The following MYO16 variants were observed in gnomAD, a reference collection of about 807,000 sequenced individuals.
MYO16 encodes unconventional myosin-XVI.
MYO16 carries 94 observed loss-of-function variants against 205.3 expected under a neutral mutation model. That is an observed-to-expected ratio of 0.46 (90% CI 0.39 to 0.54). The LOEUF is 0.54. Ranked by LOEUF, MYO16 falls within the 20% of genes least tolerant of loss-of-function variation. MYO16 has a pLI of 0.00. For missense variants in MYO16, 2,315 were observed against 2,387.5 expected (o/e 0.97, Z 0.63); for synonymous variants, 988 against 954.0 (o/e 1.04, Z -0.66).
At chr13:108,720,308 AAAC>A (rs1453324773) in intron 3 of MYO16, among the ~76,000 whole-genome samples, 2 of 152,212 alleles carry the variant, frequency 1.3e-5, no homozygotes, top group Non-Finnish European at 2.9e-5. Context: ...TGTTGAATAA[AAAC>A]AAGCGTATGG....
intron 16 of MYO16, among the ~76,000 whole-genome samples, chr13:108,952,305 A>G (rs1047456207): frequency 1.3e-5 from 2 of 152,116 alleles, no homozygotes; most frequent in Non-Finnish European, 2.9e-5. Flanking sequence ...GAACAGAAAG[A>G]CCTTCAGTGC....
At chr13:108,576,201 G>C in the MYO16 span, among the ~76,000 whole-genome samples, 1 of 152,204 alleles carries the variant, frequency 6.6e-6, no homozygotes, top group Non-Finnish European at 1.5e-5. Flanking sequence ...TGTAGCACTA[G>C]AGACAGGTCA....
At chr13:109,004,840 G>A (rs80278933) in intron 21 of MYO16, among the ~76,000 whole-genome samples, 1 of 152,292 alleles carries the variant, frequency 6.6e-6, no homozygotes, top group Non-Finnish European at 1.5e-5. Context: ...TGCAGAATTT[G>A]TTGGTCTGTG....
intron 21 of MYO16, among the ~76,000 whole-genome samples, chr13:109,002,219 A>G (rs778916503): frequency 4.6e-5 from 7 of 152,242 alleles, no homozygotes; most frequent in South Asian, 2.1e-4. Context: ...GTCACTGCCC[A>G]GGGCTCTGCC....
At chr13:108,747,449 A>G (rs751642037) in intron 4 of MYO16, among the ~76,000 whole-genome samples, 2 of 152,170 alleles carry the variant, frequency 1.3e-5, no homozygotes, top group Non-Finnish European at 2.9e-5. Flanking sequence ...GTGAATTTAT[A>G]TAGTGTCATT....
intron 14 of MYO16, among the ~76,000 whole-genome samples, chr13:108,896,957 C>G (rs1160481246): frequency 6.6e-6 from 1 of 151,988 alleles, no homozygotes; most frequent in Non-Finnish European, 1.5e-5. Flanking sequence ...GATCACATCA[C>G]TGCACTCCAG....
intron 1 of MYO16, among the ~76,000 whole-genome samples, chr13:108,636,986 C>T (rs968642219): frequency 1.3e-5 from 2 of 152,144 alleles, no homozygotes; most frequent in Non-Finnish European, 2.9e-5. Context: ...AGATAGAAAT[C>T]ATCAAATATG....
intron 1 of MYO16, among the ~76,000 whole-genome samples, chr13:108,614,506 GA>G (rs1464243166): frequency 6.6e-6 from 1 of 151,956 alleles, no homozygotes; most frequent in Non-Finnish European, 1.5e-5. Context: ...AAGATATCCA[GA>G]TAACTAAAAA....
chr13:108,736,656 G>T (rs1462614915), intron 4 of MYO16, among the ~76,000 whole-genome samples: 1 of 152,194 alleles, frequency 6.6e-6, no homozygotes, highest in African/African-American at 2.4e-5. Context: ...GAACTTTAAA[G>T]TAGTTTTTCC....
At chr13:109,135,226 T>C (rs893077468) in intron 31 of MYO16, among the ~76,000 whole-genome samples, 3 of 152,228 alleles carry the variant, frequency 2.0e-5, no homozygotes, top group Admixed American at 6.5e-5. Flanking sequence ...ACAGTGGTCA[T>C]TGGTGGGTAG....
intron 10 of MYO16, among the ~76,000 whole-genome samples, chr13:108,854,929 A>G (rs1037838309): frequency 6.6e-6 from 1 of 152,240 alleles, no homozygotes; most frequent in Admixed American, 6.5e-5. Context: ...AGAGCAGAAT[A>G]GAAAGATCTG....
At chr13:108,928,914 A>T (rs1882130480) in intron 16 of MYO16, among the ~76,000 whole-genome samples, 1 of 152,228 alleles carries the variant, frequency 6.6e-6, no homozygotes, top group Non-Finnish European at 1.5e-5. Context: ...AAATTTACAA[A>T]ATCAGAAATT....
At chr13:108,556,492 C>T in the MYO16 span, among the ~76,000 whole-genome samples, 225 of 152,188 alleles carry the variant, frequency 1.5e-3, no homozygotes, top group African/African-American at 5.3e-3. Flanking sequence ...TGTTTTCTTG[C>T]TATTGAATTG....
At chr13:108,714,036 A>G (rs1883826518) in intron 3 of MYO16, among the ~76,000 whole-genome samples, 1 of 152,010 alleles carries the variant, frequency 6.6e-6, no homozygotes, top group Non-Finnish European at 1.5e-5. Context: ...CAAATATCGT[A>G]AGCCTGTTTT....
intron 33 of MYO16, among the ~76,000 whole-genome samples, chr13:109,166,437 A>G (rs980582046): frequency 3.3e-5 from 5 of 152,224 alleles, no homozygotes; most frequent in Non-Finnish European, 5.9e-5. Context: ...TTGAAGCAAA[A>G]GGGAAGAATG....
chr13:108,883,785 T>C (rs1483973569), intron 13 of MYO16, among the ~76,000 whole-genome samples: 1 of 151,914 alleles, frequency 6.6e-6, no homozygotes, highest in Non-Finnish European at 1.5e-5. Context: ...GCCACCACAC[T>C]TGGCTAATTT....
chr13:108,875,028 T>G (rs1879259592), intron 12 of MYO16, among the ~76,000 whole-genome samples: 1 of 152,134 alleles, frequency 6.6e-6, no homozygotes, highest in African/African-American at 2.4e-5. Context: ...TGCTAGTGGT[T>G]TATGGAGAAA....
chr13:109,132,906 A>G (rs1213090120), intron 31 of MYO16, among the ~76,000 whole-genome samples: 12 of 152,190 alleles, frequency 7.9e-5, no homozygotes, highest in East Asian at 1.9e-4. Context: ...GGGAAGCACA[A>G]CCACAGCAGT....
intron 15 of MYO16, among the ~76,000 whole-genome samples, chr13:108,902,136 C>T (rs1230416567): frequency 2.6e-5 from 4 of 152,168 alleles, no homozygotes; most frequent in Non-Finnish European, 5.9e-5. Context: ...ATTATGCGTA[C>T]TATAAAGAGC....
Sources: gnomAD v4.1 joint callset for allele counts (sites outside exome capture counted in the v4.1 genomes callset) on GRCh38, gnomAD v4.1.1 for gene constraint, MANE v1.5 for transcripts, NCBI Gene and HGNC (gene_info 2026-07-23, HGNC 2026-07-21) for gene names.